Variants in LRRC4C observed in about 807,000 individuals in gnomAD.
LRRC4C encodes leucine-rich repeat-containing protein 4C.
Under a neutral mutation model 33.6 loss-of-function variants are expected in LRRC4C, and 5 were observed. The observed-to-expected ratio is 0.15, with a 90% CI of 0.08 to 0.31. The LOEUF is 0.31. Among genes scored for constraint, LRRC4C ranks in the 10% least tolerant of loss-of-function variants. The pLI is 1.00. For missense variants in LRRC4C, 560 were observed against 796.7 expected, an observed-to-expected ratio of 0.70 and a Z score of 3.58; for synonymous variants, 329 against 302.0, an observed-to-expected ratio of 1.09 and a Z score of -0.93.
intron 2 of LRRC4C, among the ~76,000 whole-genome samples, chr11:40,745,154 G>A (rs972900126): frequency 3.3e-5 from 5 of 152,120 alleles, no homozygotes; most frequent in African/African-American, 7.2e-5. Context: ...ATGGCGATAC[G>A]CAGAAAGCAT....
At chr11:40,358,184 AAAAT>A (rs71060956) in intron 3 of LRRC4C, among the ~76,000 whole-genome samples, 1 of 150,386 alleles carries the variant, frequency 6.6e-6, no homozygotes, top group Non-Finnish European at 1.5e-5. Flanking sequence ...CTCTGTCTCA[AAAAT>A]AAATAAATAA....
At chr11:41,458,999 G>C (rs1292930168) in intron 1 of LRRC4C, among the ~76,000 whole-genome samples, 3 of 152,024 alleles carry the variant, frequency 2.0e-5, no homozygotes, top group African/African-American at 7.2e-5. Context: ...TTAAGTTATC[G>C]TGAAAGTCCG....
At chr11:40,790,537 G>A (rs568296854) in intron 2 of LRRC4C, among the ~76,000 whole-genome samples, 4 of 152,218 alleles carry the variant, frequency 2.6e-5, no homozygotes, top group African/African-American at 7.2e-5. Context: ...GTGAGCACGC[G>A]GTCCAAATCC....
chr11:40,659,792 G>C (rs892059446), intron 2 of LRRC4C, among the ~76,000 whole-genome samples: 46 of 152,258 alleles, frequency 3.0e-4, no homozygotes, highest in Middle Eastern at 3.4e-3. Flanking sequence ...ATGCACTTCA[G>C]GTCTTCTGAG....
At chr11:40,665,320 AAAAAAATATATATAT>A (rs1943687636) in intron 2 of LRRC4C, among the ~76,000 whole-genome samples, 1 of 15,848 alleles carries the variant, frequency 6.3e-5, no homozygotes, top group African/African-American at 1.6e-4. Context: ...AAAAAAAAAA[AAAAAAATATATATAT>A]ATATATATAT....
chr11:40,276,003 C>T (rs149441907), intron 4 of LRRC4C, among the ~76,000 whole-genome samples: 4 of 152,204 alleles, frequency 2.6e-5, no homozygotes, highest in East Asian at 1.9e-4. Context: ...ATCAATATGG[C>T]ATAGCCAAGA....
At chr11:40,127,160 C>T (rs912807186) in intron 6 of LRRC4C, among the ~76,000 whole-genome samples, 16 of 151,846 alleles carry the variant, frequency 1.1e-4, no homozygotes, top group Admixed American at 6.6e-5. Context: ...ACCTGTAATC[C>T]CAGCTACTCC....
At chr11:40,368,424 C>A (rs1201268528) in intron 3 of LRRC4C, among the ~76,000 whole-genome samples, 2 of 152,078 alleles carry the variant, frequency 1.3e-5, no homozygotes, top group African/African-American at 4.8e-5. Flanking sequence ...TACCATGAAC[C>A]TTCCATAATA....
chr11:41,177,983 G>A (rs1365192378), intron 1 of LRRC4C, among the ~76,000 whole-genome samples: 1 of 152,174 alleles, frequency 6.6e-6, no homozygotes, highest in Non-Finnish European at 1.5e-5. Flanking sequence ...AAAAAGCCAA[G>A]ATACCGTGGT....
intron 2 of LRRC4C, among the ~76,000 whole-genome samples, chr11:40,928,175 G>A (rs895444709): frequency 2.0e-5 from 3 of 151,598 alleles, no homozygotes; most frequent in Non-Finnish European, 2.9e-5. Context: ...AAATAGGAAG[G>A]ACTTTCAGAT....
At chr11:40,447,004 TA>T in intron 3 of LRRC4C, 1 of 154,170 alleles carries the variant, frequency 6.5e-6, no homozygotes. Flanking sequence ...TTGTTCCAAA[TA>T]AAAAGTGCCT....
chr11:40,730,674 T>C (rs989438970), intron 2 of LRRC4C, among the ~76,000 whole-genome samples: 2 of 152,214 alleles, frequency 1.3e-5, no homozygotes, highest in Non-Finnish European at 2.9e-5. Context: ...TATTTGACTT[T>C]GAACTTTATT....
chr11:41,084,075 G>A (rs955795054), intron 1 of LRRC4C, among the ~76,000 whole-genome samples: 1 of 152,284 alleles, frequency 6.6e-6, no homozygotes, highest in South Asian at 2.1e-4. Flanking sequence ...CTTAAAGTGA[G>A]CTAATACCTG....
intron 1 of LRRC4C, among the ~76,000 whole-genome samples, chr11:41,456,059 G>A (rs1283090895): frequency 1.3e-5 from 2 of 151,982 alleles, no homozygotes; most frequent in African/African-American, 4.8e-5. Context: ...GTAATTTATT[G>A]GGGTCCCTGA....
chr11:40,279,097 T>G (rs908087119), intron 4 of LRRC4C, among the ~76,000 whole-genome samples: 2 of 152,202 alleles, frequency 1.3e-5, no homozygotes, highest in African/African-American at 4.8e-5. Flanking sequence ...GGAGTCCCTG[T>G]GACATTGGGA....
chr11:40,453,088 G>C, intron 3 of LRRC4C, among the ~76,000 whole-genome samples: 1 of 151,858 alleles, frequency 6.6e-6, no homozygotes, highest in Non-Finnish European at 1.5e-5. Context: ...GTTAAATGAC[G>C]AGTTAATGGG....
At chr11:41,003,381 T>C (rs1854515547) in intron 1 of LRRC4C, among the ~76,000 whole-genome samples, 2 of 152,060 alleles carry the variant, frequency 1.3e-5, no homozygotes, top group African/African-American at 2.4e-5. Context: ...ACATACTAAA[T>C]GTTAACAAGA....
intron 4 of LRRC4C, among the ~76,000 whole-genome samples, chr11:40,301,411 C>A (rs564584746): frequency 6.6e-6 from 1 of 152,206 alleles, no homozygotes; most frequent in East Asian, 1.9e-4. Flanking sequence ...AGAAAATTGC[C>A]CATAAAGGTA....
chr11:40,208,638 T>A (rs1300600730), intron 5 of LRRC4C, among the ~76,000 whole-genome samples: 2 of 152,222 alleles, frequency 1.3e-5, no homozygotes, highest in Non-Finnish European at 2.9e-5. Context: ...ATATCCCTGT[T>A]AGTATGAATA....
Sources: allele counts gnomAD v4.1 joint callset (sites outside exome capture counted in the v4.1 genomes callset), GRCh38; gene constraint gnomAD v4.1.1; transcripts MANE v1.5; gene names NCBI Gene and HGNC (gene_info 2026-07-23, HGNC 2026-07-21).